The following FSTL5 variants were observed in gnomAD, a reference collection of about 807,000 sequenced individuals.
The protein encoded by FSTL5 is follistatin like 5.
FSTL5 carries 62 observed loss-of-function variants against 89.1 expected under a neutral mutation model. That is an observed-to-expected ratio of 0.70 (90% CI 0.57 to 0.86). FSTL5 has a LOEUF of 0.86. FSTL5 is among the 40% of genes least tolerant of loss of function. The pLI is 0.00. For synonymous variants in FSTL5, 383 were observed against 346.2 expected (o/e 1.11, Z -1.18); for missense variants, 1,057 against 1,001.6 (o/e 1.06, Z -0.75).
At chr4:161,581,208 T>C (rs1445306716) in intron 8 of FSTL5, among the ~76,000 whole-genome samples, 1 of 152,240 alleles carries the variant, frequency 6.6e-6, no homozygotes, top group Non-Finnish European at 1.5e-5. Context: ...CACATTGTTC[T>C]ATGCCCTACT....
chr4:161,392,632 C>G (rs916265715), intron 15 of FSTL5, among the ~76,000 whole-genome samples: 1 of 152,098 alleles, frequency 6.6e-6, no homozygotes, highest in Non-Finnish European at 1.5e-5. Flanking sequence ...ACAACTATGT[C>G]TTAAGGTGGC....
intron 4 of FSTL5, among the ~76,000 whole-genome samples, chr4:161,914,299 G>T (rs1485627978): frequency 6.6e-6 from 1 of 151,950 alleles, no homozygotes; most frequent in Non-Finnish European, 1.5e-5. Flanking sequence ...TAAGAAAAAA[G>T]AAATAGCATG....
intron 3 of FSTL5, among the ~76,000 whole-genome samples, chr4:161,923,674 T>G (rs996541569): frequency 6.6e-6 from 1 of 151,808 alleles, no homozygotes; most frequent in African/African-American, 2.4e-5. Context: ...TTGAGGTAGC[T>G]TTATGAATCA....
chr4:161,991,802 T>C lies in FSTL5; in HGVS notation c.160+41823A>G, dbSNP rs28400316. 9.9e-3 allele frequency among the ~76,000 whole-genome samples: 1,510 copies of C among 152,100 alleles called. 28 individuals are homozygous for C. Among genetic ancestry groups the C allele is most frequent in the African/African-American group, 0.034 (1,424 of 41,486 alleles). Reference sequence around the variant, plus strand: ...TTGTTAGAAGTTGAAAAGGCTATGATGAAGGAAAAAGAAGGGGTAGAGGAT... The same window carrying C: ...TTGTTAGAAGTTGAAAAGGCTATGACGAAGGAAAAAGAAGGGGTAGAGGAT... On this transcript the variant is annotated intron_variant, in intron 3 of 15. Coordinates refer to ENST00000306100, the MANE Select transcript of FSTL5 (RefSeq NM_020116.5).
intron 7 of FSTL5, among the ~76,000 whole-genome samples, chr4:161,632,018 C>A (rs899080578): frequency 3.9e-5 from 6 of 152,074 alleles, no homozygotes; most frequent in Non-Finnish European, 7.4e-5. Flanking sequence ...TATAGAAAAT[C>A]AACTCCAAAT....
intron 7 of FSTL5, among the ~76,000 whole-genome samples, chr4:161,642,815 G>T (rs1319650565): frequency 6.6e-6 from 1 of 151,950 alleles, no homozygotes; most frequent in Non-Finnish European, 1.5e-5. Flanking sequence ...ATGGGCATTT[G>T]TGTTTCATGG....
chr4:161,573,083 A>C (rs1457202653), intron 8 of FSTL5, among the ~76,000 whole-genome samples: 1 of 152,158 alleles, frequency 6.6e-6, no homozygotes, highest in Non-Finnish European at 1.5e-5. Flanking sequence ...TGCATAACTT[A>C]GTGTATTTGT....
intron 3 of FSTL5, among the ~76,000 whole-genome samples, chr4:161,990,471 GATA>G (rs1736080487): frequency 6.6e-6 from 1 of 151,958 alleles, no homozygotes; most frequent in African/African-American, 2.4e-5. Context: ...CTACCTTTTA[GATA>G]ATATGTCTAA....
At chr4:161,569,020 T>C (rs1732913754) in intron 8 of FSTL5, among the ~76,000 whole-genome samples, 1 of 152,188 alleles carries the variant, frequency 6.6e-6, no homozygotes, top group South Asian at 2.1e-4. Context: ...TTATCATGGC[T>C]TTCTACAATG....
chr4:161,415,002 G>A (rs548319374), intron 15 of FSTL5, among the ~76,000 whole-genome samples: 15 of 152,058 alleles, frequency 9.9e-5, no homozygotes, highest in Non-Finnish European at 1.9e-4. Context: ...GTGAAAATTA[G>A]GGAAAGGTAT....
intron 10 of FSTL5, among the ~76,000 whole-genome samples, chr4:161,516,237 G>T (rs1730824996): frequency 6.7e-6 from 1 of 148,734 alleles, no homozygotes; most frequent in South Asian, 2.1e-4. Flanking sequence ...TTAGGGTATT[G>T]TAATATATAT....
chr4:161,932,192 T>C (rs531795516), intron 3 of FSTL5, among the ~76,000 whole-genome samples: 1 of 152,052 alleles, frequency 6.6e-6, no homozygotes, highest in Non-Finnish European at 1.5e-5. Flanking sequence ...TAATTTAGTA[T>C]ATTAATGTCA....
At chr4:161,873,243 GAAA>G in intron 4 of FSTL5, among the ~76,000 whole-genome samples, 1 of 152,144 alleles carries the variant, frequency 6.6e-6, no homozygotes, top group East Asian at 1.9e-4. Context: ...GCCTCTTTGG[GAAA>G]AGGATAGAAT....
chr4:161,890,610 C>A (rs1023975688), intron 4 of FSTL5, among the ~76,000 whole-genome samples: 92 of 150,200 alleles, frequency 6.1e-4, no homozygotes, highest in African/African-American at 2.1e-3. Flanking sequence ...ATCGCTTGAA[C>A]CCGGGTGGTG....
chr4:161,706,541 A>G (rs1738587493), intron 6 of FSTL5, among the ~76,000 whole-genome samples: 1 of 152,082 alleles, frequency 6.6e-6, no homozygotes, highest in African/African-American at 2.4e-5. Flanking sequence ...TCATTAGGAT[A>G]ACTCTTAACA....
intron 4 of FSTL5, among the ~76,000 whole-genome samples, chr4:161,806,970 G>C (rs564440904): frequency 5.3e-5 from 8 of 152,050 alleles, no homozygotes; most frequent in African/African-American, 1.9e-4. Context: ...AGTTATTAAT[G>C]GGAAGAAAAA....
intron 4 of FSTL5, among the ~76,000 whole-genome samples, chr4:161,904,261 A>C (rs1579182796): frequency 6.6e-6 from 1 of 152,202 alleles, no homozygotes; most frequent in South Asian, 2.1e-4. Flanking sequence ...GCTTAGCATG[A>C]AATTGCAGGT....
chr4:162,025,724 T>C (rs1737253933), intron 3 of FSTL5, among the ~76,000 whole-genome samples: 2 of 151,960 alleles, frequency 1.3e-5, no homozygotes, highest in African/African-American at 4.8e-5. Flanking sequence ...AAATATATCT[T>C]ATAATTATTT....
chr4:162,076,866 G>C (rs1434342166), intron 2 of FSTL5, among the ~76,000 whole-genome samples: 1 of 151,772 alleles, frequency 6.6e-6, no homozygotes, highest in Non-Finnish European at 1.5e-5. Flanking sequence ...ATAGGTTGCT[G>C]AAACTGAACA....
Sources: gnomAD v4.1 joint callset for allele counts (sites outside exome capture counted in the v4.1 genomes callset) on GRCh38, gnomAD v4.1.1 for gene constraint, MANE v1.5 for transcripts, NCBI Gene and HGNC (gene_info 2026-07-23, HGNC 2026-07-21) for gene names.